Variants in TTC39C observed in about 807,000 individuals in gnomAD.
TTC39C encodes tetratricopeptide repeat domain 39C, also known as tetratricopeptide repeat protein 39C.
A neutral mutation model predicts 76.3 loss-of-function variants in TTC39C; 33 were observed. The ratio of observed to expected loss-of-function variants is 0.43; its 90% CI spans 0.33 to 0.58. The LOEUF (loss-of-function observed/expected upper bound fraction) is 0.58. Among genes scored for constraint, TTC39C ranks in the 20% least tolerant of loss-of-function variants. TTC39C has a pLI of 0.04. For synonymous variants in TTC39C, 254 were observed against 260.6 expected, an observed-to-expected ratio of 0.97 and a Z score of 0.24; for missense variants, 595 against 701.4, an observed-to-expected ratio of 0.85 and a Z score of 1.71.
At chr18:24,024,006 A>ATTTTTTTTTTTT in intron 1 of TTC39C, among the ~76,000 whole-genome samples, 1 of 5,786 alleles carries the variant, frequency 1.7e-4, no homozygotes, top group African/African-American at 5.7e-4. Flanking sequence ...ATATATATAT[A>ATTTTTTTTTTTT]TATATATATA....
chr18:24,103,879 C>CAT (rs2084710321), intron 6 of TTC39C, among the ~76,000 whole-genome samples: 1 of 152,050 alleles, frequency 6.6e-6, no homozygotes, highest in Non-Finnish European at 1.5e-5. Flanking sequence ...CTGTACAAAA[C>CAT]CCATAAATAA....
intron 1 of TTC39C, among the ~76,000 whole-genome samples, chr18:24,052,292 C>T (rs986576657): frequency 3.3e-5 from 5 of 152,244 alleles, no homozygotes; most frequent in South Asian, 4.1e-4. Flanking sequence ...CAAACTGGAC[C>T]GTGTATGCTC....
chr18:24,054,644 A>G (rs1227045261), intron 1 of TTC39C, among the ~76,000 whole-genome samples: 2 of 152,190 alleles, frequency 1.3e-5, no homozygotes, highest in East Asian at 3.8e-4. Flanking sequence ...AATTCTATCA[A>G]AAAACATTTT....
intron 1 of TTC39C, among the ~76,000 whole-genome samples, chr18:23,993,203 G>A (rs773666002): frequency 2.1e-4 from 32 of 152,158 alleles, no homozygotes; most frequent in Non-Finnish European, 4.4e-4. Context: ...AAATAGACAA[G>A]ACATATAATG....
At chr18:24,044,828 T>G (rs1030028993) in intron 1 of TTC39C, among the ~76,000 whole-genome samples, 1 of 152,228 alleles carries the variant, frequency 6.6e-6, no homozygotes, top group Non-Finnish European at 1.5e-5. Context: ...TTATGTCATT[T>G]TAGTTCACAC....
intron 6 of TTC39C, among the ~76,000 whole-genome samples, chr18:24,110,283 A>T (rs1170070977): frequency 6.6e-6 from 1 of 152,242 alleles, no homozygotes; most frequent in East Asian, 1.9e-4. Flanking sequence ...CTTATTTAGT[A>T]AAAAACGGCA....
chr18:24,045,920 TATATATA>T (rs1272309356), intron 1 of TTC39C, among the ~76,000 whole-genome samples: 5 of 27,668 alleles, frequency 1.8e-4, no homozygotes, highest in African/African-American at 8.0e-4. Context: ...TATATATATA[TATATATA>T]TTTTTTTTTT....
At chr18:24,001,847 A>T (rs2083314786) in intron 1 of TTC39C, among the ~76,000 whole-genome samples, 1 of 17,156 alleles carries the variant, frequency 5.8e-5, no homozygotes. Context: ...TTTTTTTGAG[A>T]CGGAGTCTCG....
At position 24,131,819 on chromosome 18, in the gene TTC39C, T is replaced by C. The variant is rs1051855330; in HGVS notation, c.1624-63T>C. The C allele has an allele frequency of 3.5e-6, 5 of 1,422,644 alleles. No homozygotes were observed. The African/African-American group carries it at 7.2e-5, about 20-fold the overall frequency. 88.1% of individuals were successfully genotyped at this position (1,422,644 alleles called of 1,614,324 possible). A position where few individuals can be genotyped will look rare whatever the true frequency, so the allele number is the denominator to read the frequency against. On this transcript the variant is annotated intron_variant, in intron 12 of 13. Coordinates refer to ENST00000317571, the MANE Select transcript of TTC39C (RefSeq NM_001135993.2). The stretch of plus-strand genomic sequence containing the variant: ...TTTTAATTAACATAGCCTCCTATTA[T>C]ACCATTTTCTGCCTGCGTATATATA...
At chr18:24,129,031 C>G in intron 11 of TTC39C, 48 bp downstream of exon 11, 1 of 1,449,028 alleles carries the variant, frequency 6.9e-7, no homozygotes, top group East Asian at 2.3e-5. Flanking sequence ...TCACGAACAC[C>G]TACGTATATG....
At chr18:24,021,040 T>C (rs35162110) in intron 1 of TTC39C, among the ~76,000 whole-genome samples, 32,564 of 152,056 alleles carry the variant, frequency 0.21, 4,225 homozygotes, top group East Asian at 0.57. Context: ...TCCTGAAATA[T>C]CATTTTTGCA....
chr18:24,061,149 T>C (rs976123751), intron 1 of TTC39C, among the ~76,000 whole-genome samples: 4 of 152,074 alleles, frequency 2.6e-5, no homozygotes, highest in Non-Finnish European at 4.4e-5. Flanking sequence ...TCCCTCACCT[T>C]ATAGGTATCA....
At position 24,016,485 on chromosome 18, in the gene TTC39C, C is replaced by A. The variant is rs921286297; in HGVS notation, c.167+1447C>A. 9 of 383,376 alleles carry A rather than the reference C, an allele frequency of 2.3e-5. No individual in the cohort carries two copies. The Admixed American group carries it at 4.0e-4, about 17-fold the overall frequency. The allele number at this position is 383,376 out of a possible 1,614,324, so 23.7% of individuals were successfully genotyped here. On this transcript the variant is annotated intron_variant, in intron 1 of 13. Transcript: ENST00000317571. The stretch of plus-strand genomic sequence containing the variant: ...GGAGATAGTTGTAGAGTCAAATTTA[C>A]CCTTTTTAGTTGATGATTTAGGTAC...
chr18:24,075,996 G>C (rs914990600), intron 4 of TTC39C, among the ~76,000 whole-genome samples: 1 of 152,144 alleles, frequency 6.6e-6, no homozygotes, highest in Non-Finnish European at 1.5e-5. Context: ...GTCCTCATAA[G>C]GTGGGACAGA....
Position 24,080,576 on chromosome 18 carries a change from T to C in TTC39C, c.461-9T>C, listed in dbSNP as rs778911757. On this transcript the variant is annotated splice_polypyrimidine_tract_variant and intron_variant, in intron 4 of 13. Transcript: ENST00000317571. The stretch of plus-strand genomic sequence containing the variant: ...TGTTTTTGAATCTTTTCTCCCCTTC[T>C]CTTTTTAGCTTATATCAAAGGTGGG... 1 of 1,558,392 alleles carries C rather than the reference T, an allele frequency of 6.4e-7. No individual in the cohort carries two copies. The highest frequency in any genetic ancestry group is 8.7e-7 in the Non-Finnish European group (1 of 1,152,186).
intron 1 of TTC39C, chr18:24,006,326 C>T (rs1489662408): frequency 6.6e-6 from 1 of 152,080 alleles, no homozygotes; most frequent in African/African-American, 2.4e-5. Flanking sequence ...AACAAATAAA[C>T]AATATTATAC....
chr18:24,011,728 T>C (rs2083394734), upstream of TTC39C, among the ~76,000 whole-genome samples: 1 of 152,202 alleles, frequency 6.6e-6, no homozygotes. Context: ...AACCACAAAA[T>C]ACTGGCAACA....
At chr18:24,130,543 CCTTGGTTTTA>C in intron 12 of TTC39C, 126 bp downstream of exon 12, 1 of 272,894 alleles carries the variant, frequency 3.7e-6, no homozygotes, top group Non-Finnish European at 6.4e-6. Flanking sequence ...ATTTTGTTTT[CCTTGGTTTTA>C]CTTAGAATGA....
chr18:24,068,912 G>A (rs1291661870), intron 3 of TTC39C, among the ~76,000 whole-genome samples: 1 of 152,158 alleles, frequency 6.6e-6, no homozygotes. Context: ...TATTTCCCAT[G>A]AATTCAGCTT....
Sources: allele counts gnomAD v4.1 joint callset (sites outside exome capture counted in the v4.1 genomes callset), GRCh38; gene constraint gnomAD v4.1.1; transcripts MANE v1.5; gene names NCBI Gene and HGNC (gene_info 2026-07-23, HGNC 2026-07-21).